Variants in TENM3 observed in about 807,000 individuals in gnomAD.
TENM3 encodes the protein teneurin transmembrane protein 3.
In TENM3, 63 loss-of-function variants were observed where a neutral mutation model predicts 255.1. The observed-to-expected ratio is 0.25, with a 90% CI of 0.20 to 0.30. The LOEUF (loss-of-function observed/expected upper bound fraction) is 0.30. Ranked by LOEUF, TENM3 falls within the 10% of genes least tolerant of loss-of-function variation. TENM3 has a pLI of 1.00. For synonymous variants in TENM3, 1,306 were observed against 1,322.3 expected (o/e 0.99, Z 0.27); for missense variants, 2,929 against 3,461.1 (o/e 0.85, Z 3.86).
the TENM3 span, among the ~76,000 whole-genome samples, chr4:181,544,431 A>C: frequency 4.9e-5 from 7 of 143,230 alleles, no homozygotes; most frequent in African/African-American, 1.6e-4. Flanking sequence ...AAAAAAAAAA[A>C]AAAAACTATA....
At chr4:182,643,804 G>A (rs1440086619) in intron 5 of TENM3, among the ~76,000 whole-genome samples, 1 of 152,196 alleles carries the variant, frequency 6.6e-6, no homozygotes, top group Non-Finnish European at 1.5e-5. Flanking sequence ...CAGTGAATGT[G>A]AAGTGAATTG....
At chr4:181,934,048 C>CTG in the TENM3 span, among the ~76,000 whole-genome samples, 10,990 of 147,386 alleles carry the variant, frequency 0.075, 469 homozygotes, top group African/African-American at 0.12. Context: ...ATTCCCCTTT[C>CTG]TGTGTGTGTG....
the TENM3 span, among the ~76,000 whole-genome samples, chr4:181,628,970 T>C: frequency 1.1e-4 from 16 of 152,330 alleles, no homozygotes; most frequent in East Asian, 2.5e-3. Flanking sequence ...CCCATGAGCA[T>C]AGAATGGTCT....
chr4:182,681,274 G>A (rs1196049956), intron 10 of TENM3, among the ~76,000 whole-genome samples: 1 of 152,086 alleles, frequency 6.6e-6, no homozygotes, highest in Non-Finnish European at 1.5e-5. Flanking sequence ...TTATTGATCT[G>A]CACACACAAA....
chr4:182,732,028 A>C (rs371877067), intron 16 of TENM3, among the ~76,000 whole-genome samples: 11 of 151,834 alleles, frequency 7.2e-5, no homozygotes, highest in Non-Finnish European at 1.2e-4. Flanking sequence ...TGATCCGCCC[A>C]CCTTGACCTC....
chr4:182,710,394 G>T (rs1360602022), intron 12 of TENM3, among the ~76,000 whole-genome samples: 2 of 152,088 alleles, frequency 1.3e-5, no homozygotes, highest in Non-Finnish European at 2.9e-5. Context: ...TGTTTAAAAG[G>T]TAAATTATTT....
Position 182,188,663 on chromosome 4 carries a change from G to A in TENM3, c.-76+43909G>A, listed in dbSNP as rs538146963. ...TGAGTGAGTAAAAGTGGCAAAAAGT[G>A]AAAGATCATGATTTGACAGTATCAC... is the stretch of plus-strand genomic sequence containing the variant. On this transcript the variant is annotated intron_variant, in intron 1 of 2. Coordinates refer to the TENM3 transcript ENST00000512480. 2.0e-5 allele frequency among the ~76,000 whole-genome samples: 3 copies of A among 152,306 alleles called. 1 individual carries two copies. The South Asian group carries it at 6.2e-4, about 32-fold the overall frequency.
intron 3 of TENM3, among the ~76,000 whole-genome samples, chr4:182,361,255 C>A (rs1165237578): frequency 6.6e-6 from 1 of 152,100 alleles, no homozygotes; most frequent in Non-Finnish European, 1.5e-5. Flanking sequence ...TTTCCTGAAT[C>A]TGAATGTTCC....
chr4:182,600,491 A>G (rs1188963328), intron 3 of TENM3, among the ~76,000 whole-genome samples: 1 of 152,206 alleles, frequency 6.6e-6, no homozygotes, highest in Non-Finnish European at 1.5e-5. Context: ...ACTCCATTAA[A>G]TAATTATAGG....
chr4:181,642,328 T>C, the TENM3 span, among the ~76,000 whole-genome samples: 3 of 152,188 alleles, frequency 2.0e-5, no homozygotes, highest in Non-Finnish European at 4.4e-5. Context: ...GTTAGTTTTT[T>C]TCTTGTAAAC....
the TENM3 span, among the ~76,000 whole-genome samples, chr4:181,849,949 T>TCTCTCTCACACACACACACACACACACA: frequency 3.3e-4 from 22 of 65,960 alleles, no homozygotes; most frequent in Non-Finnish European, 5.3e-4. Flanking sequence ...TCTCTCTCTC[T>TCTCTCTCACACACACACACACACACACA]CACACACACA....
At chr4:182,233,043 G>A (rs1756679858) in intron 1 of TENM3, among the ~76,000 whole-genome samples, 1 of 151,920 alleles carries the variant, frequency 6.6e-6, no homozygotes, top group South Asian at 2.1e-4. Context: ...TGAGGATAAG[G>A]GGAGACTCTT....
At chr4:181,560,584 A>G in the TENM3 span, among the ~76,000 whole-genome samples, 1 of 152,104 alleles carries the variant, frequency 6.6e-6, no homozygotes, top group Non-Finnish European at 1.5e-5. Flanking sequence ...TACAACACAC[A>G]CTCTTTCAAA....
chr4:181,923,584 C>T, the TENM3 span, among the ~76,000 whole-genome samples: 11 of 152,116 alleles, frequency 7.2e-5, no homozygotes, highest in African/African-American at 2.7e-4. Flanking sequence ...TTAGCCCCCA[C>T]TATTAAATAT....
At chr4:181,832,688 C>A in the TENM3 span, among the ~76,000 whole-genome samples, 1 of 152,214 alleles carries the variant, frequency 6.6e-6, no homozygotes, top group Non-Finnish European at 1.5e-5. Context: ...TCCTAGGAAA[C>A]CTTTCCTCAC....
chr4:181,546,647 G>A, the TENM3 span, among the ~76,000 whole-genome samples: 1 of 142,982 alleles, frequency 7.0e-6, no homozygotes, highest in African/African-American at 2.6e-5. Context: ...CCGGGAGGCA[G>A]AGCTTGCAGC....
At chr4:181,855,899 A>C in the TENM3 span, among the ~76,000 whole-genome samples, 1 of 149,018 alleles carries the variant, frequency 6.7e-6, no homozygotes, top group Non-Finnish European at 1.5e-5. Context: ...GTAGGAAGGA[A>C]GAAGGGAGGA....
chr4:181,775,819 G>A, the TENM3 span, among the ~76,000 whole-genome samples: 2 of 152,064 alleles, frequency 1.3e-5, no homozygotes, highest in Non-Finnish European at 2.9e-5. Context: ...ACATATTTAT[G>A]GGGGTACATG....
chr4:182,684,605 C>G (rs1204265346), intron 11 of TENM3, among the ~76,000 whole-genome samples: 1 of 152,070 alleles, frequency 6.6e-6, no homozygotes. Flanking sequence ...GTGAAAAGCA[C>G]TTAGAATAGC....
Sources: gnomAD v4.1 joint callset for allele counts (sites outside exome capture counted in the v4.1 genomes callset) on GRCh38, gnomAD v4.1.1 for gene constraint, MANE v1.5 for transcripts, NCBI Gene and HGNC (gene_info 2026-07-23, HGNC 2026-07-21) for gene names.